DDX10: variants seen among roughly 807,000 people sequenced by gnomAD.
DDX10 encodes the protein probable ATP-dependent RNA helicase DDX10.
A neutral mutation model predicts 104.3 loss-of-function variants in DDX10; 74 were observed. The observed-to-expected ratio is 0.71, with a 90% confidence interval of 0.59 to 0.86. The LOEUF (loss-of-function observed/expected upper bound fraction) is 0.86. DDX10 is among the 40% of genes least tolerant of loss of function. The pLI, the probability that DDX10 is intolerant of heterozygous loss-of-function variation, is 0.00. For synonymous variants in DDX10, 351 were observed against 353.4 expected (o/e 0.99, Z 0.08); for missense variants, 952 against 1,040.0 (o/e 0.92, Z 1.16).
chr11:108,672,068 A>T, intron 1 of DDX10, among the ~76,000 whole-genome samples: 1 of 151,058 alleles, frequency 6.6e-6, no homozygotes, highest in East Asian at 1.9e-4. Context: ...CTCGGAAAAA[A>T]AAAAAAAAAA....
At chr11:108,914,995 A>G (rs564632698) in intron 16 of DDX10, among the ~76,000 whole-genome samples, 3 of 152,282 alleles carry the variant, frequency 2.0e-5, no homozygotes, top group African/African-American at 7.2e-5. Context: ...ATAGAAAAAA[A>G]AAATGAAGAA....
At chr11:108,770,781 A>G (rs1482198988) in intron 13 of DDX10, among the ~76,000 whole-genome samples, 1 of 151,672 alleles carries the variant, frequency 6.6e-6, no homozygotes, top group African/African-American at 2.4e-5. Flanking sequence ...GTTGATGGAC[A>G]CTTAGGTTGC....
At chr11:108,935,897 A>G (rs1012098357) in intron 17 of DDX10, among the ~76,000 whole-genome samples, 8 of 152,202 alleles carry the variant, frequency 5.3e-5, no homozygotes, top group Admixed American at 2.6e-4. Flanking sequence ...AAGAAAGTTA[A>G]TATTTCACAT....
intron 17 of DDX10, among the ~76,000 whole-genome samples, chr11:108,937,038 A>G (rs1393667295): frequency 2.0e-5 from 3 of 152,228 alleles, no homozygotes; most frequent in Non-Finnish European, 4.4e-5. Flanking sequence ...TTTCCAATTC[A>G]GAAGAGCTCA....
chr11:108,742,931 C>T (rs529649386), intron 13 of DDX10, among the ~76,000 whole-genome samples: 8 of 152,204 alleles, frequency 5.3e-5, no homozygotes, highest in South Asian at 2.1e-4. Context: ...CAGTACCAGA[C>T]GAATTCACAG....
intron 10 of DDX10, among the ~76,000 whole-genome samples, chr11:108,713,303 T>C (rs80097231): frequency 0.01 from 1,533 of 152,214 alleles, 27 homozygotes; most frequent in African/African-American, 0.033. Context: ...CTTTCTGATA[T>C]TCAGAAAGAA....
intron 9 of DDX10, among the ~76,000 whole-genome samples, chr11:108,699,624 T>C (rs2134455702): frequency 6.6e-6 from 1 of 152,312 alleles, no homozygotes; most frequent in African/African-American, 2.4e-5. Context: ...TGACCTAGAC[T>C]TGGAAGTCAC....
rs746215092 is a variant in DDX10, at chr11:108,691,973, A to G, written c.1073A>G (p.Tyr358Cys). Reference protein sequence around the residue: ...RQQQMRRMEVYNEFVRKRAAV... With the variant: ...RQQQMRRMEVCNEFVRKRAAV... ...CAGCAAATGAGAAGAATGGAAGTCT[A>G]TAATGAGTTTGTCCGTAAGAGAGCT... Residue 358 changes from tyrosine to cysteine, a missense_variant, in exon 8 of 18, where the codon TAT becomes TGT. Physicochemically the swap from Tyr to Cys is radical, Grantham distance 194. Around this residue, in one of 3 missense-constraint regions of DDX10, gnomAD observed 412 missense variants for 479.2 expected, o/e 0.86. Coordinates refer to ENST00000322536, the MANE Select transcript of DDX10 (RefSeq NM_004398.4). 13 of 1,614,050 alleles carry G rather than the reference A, an allele frequency of 8.1e-6. No homozygotes were observed. Among genetic ancestry groups the G allele is most frequent in the Non-Finnish European group, 1.1e-5 (13 of 1,180,018 alleles).
intron 16 of DDX10, among the ~76,000 whole-genome samples, chr11:108,904,444 G>A (rs753116205): frequency 2.6e-5 from 4 of 152,036 alleles, no homozygotes; most frequent in Non-Finnish European, 5.9e-5. Flanking sequence ...CATTCTACTG[G>A]ATTCATTCAT....
rs1181324901 is a variant in DDX10 at position 108,684,338 on chromosome 11, T to G, written c.849-4598T>G. On this transcript the variant is annotated intron_variant, in intron 6 of 17. Transcript: ENST00000322536. ...TAGCATTAGGTATATCTCCCAATGC[T>G]ATCCCTCCCCCCTCCCCCGACCCCA... Among the ~76,000 whole-genome samples the G allele has an allele frequency of 8.5e-5, 12 of 141,134 alleles. No homozygotes were observed. The South Asian group carries it at 2.6e-3, about 31-fold the overall frequency. 92.6% of individuals were successfully genotyped at this position (141,134 alleles called of 152,430 possible).
chr11:108,792,860 A>G (rs531748843), intron 13 of DDX10, among the ~76,000 whole-genome samples: 8 of 152,230 alleles, frequency 5.3e-5, no homozygotes, highest in Non-Finnish European at 7.4e-5. Context: ...TTCTGATCCT[A>G]TATTTCCATT....
intron 13 of DDX10, among the ~76,000 whole-genome samples, chr11:108,831,465 T>C (rs1414878258): frequency 6.8e-6 from 1 of 147,606 alleles, no homozygotes; most frequent in Non-Finnish European, 1.5e-5. Context: ...TTATCTTTCA[T>C]AGGAGTGGCT....
In DDX10 at chr11:108,808,043, G is replaced by A. The variant is rs528870883; in HGVS notation, c.1966-30403G>A. 4.6e-5 allele frequency among the ~76,000 whole-genome samples: 7 copies of A among 152,274 alleles called. No individual in the cohort carries two copies. The East Asian group carries it at 5.8e-4, about 13-fold the overall frequency. On this transcript the variant is annotated intron_variant, in intron 13 of 17. Transcript: ENST00000322536. Reference sequence around the variant, plus strand: ...TCACAAATAGCCTTATGATGTATCCGCATGTGTGTGAGTATGGTGAAAGGC... The same window carrying A: ...TCACAAATAGCCTTATGATGTATCCACATGTGTGTGAGTATGGTGAAAGGC...
chr11:108,771,363 T>C (rs1177401457), intron 13 of DDX10, among the ~76,000 whole-genome samples: 2 of 151,956 alleles, frequency 1.3e-5, no homozygotes, highest in Non-Finnish European at 2.9e-5. Flanking sequence ...TTTTTTTTCT[T>C]TTTTTCTTTT....
chr11:108,889,509 A>T (rs1177143839), intron 16 of DDX10, among the ~76,000 whole-genome samples: 1 of 152,200 alleles, frequency 6.6e-6, no homozygotes, highest in Non-Finnish European at 1.5e-5. Flanking sequence ...ACTAATATCA[A>T]ATGTTAACTT....
At chr11:108,758,780 G>A (rs1394841856) in intron 13 of DDX10, among the ~76,000 whole-genome samples, 1 of 151,990 alleles carries the variant, frequency 6.6e-6, no homozygotes, top group Non-Finnish European at 1.5e-5. Context: ...GACTCATCTG[G>A]ATGATCCAGG....
chr11:108,688,322 T>C (rs1432681867), intron 6 of DDX10, among the ~76,000 whole-genome samples: 2 of 152,216 alleles, frequency 1.3e-5, no homozygotes, highest in East Asian at 3.9e-4. Context: ...GAAAGACTTC[T>C]ACCATAAATA....
chr11:108,711,922 AAC>A (rs2134466174), intron 10 of DDX10, among the ~76,000 whole-genome samples: 1 of 152,298 alleles, frequency 6.6e-6, no homozygotes, highest in African/African-American at 2.4e-5. Flanking sequence ...CTCTAATTAT[AAC>A]AGTGGATTCA....
In DDX10 at chr11:108,677,123, A is replaced by C; in HGVS notation, c.417A>C (p.Thr139=). Residue 139 remains threonine (T), a synonymous_variant, in exon 4 of 18, where the codon ACA becomes ACC. Coordinates refer to ENST00000322536, the MANE Select transcript of DDX10 (RefSeq NM_004398.4). ...TATATCGTCTGCAATGGACTTCAAC[A>C]GATGGGCTGGGGGTTCTCATAATAT... ...EALYRLQWTS[T]DGLGVLIISP... 1 of 1,613,650 alleles carries C rather than the reference A, an allele frequency of 6.2e-7. No individual in the cohort carries two copies. The highest frequency in any genetic ancestry group is 8.5e-7 in the Non-Finnish European group (1 of 1,179,752).
Sources: gnomAD v4.1 joint callset for allele counts (sites outside exome capture counted in the v4.1 genomes callset) on GRCh38, gnomAD v4.1.1 for gene constraint, gnomAD v4.1.1 regional missense constraint, MANE v1.5 for transcripts, NCBI Gene and HGNC (gene_info 2026-07-23, HGNC 2026-07-21) for gene names.